Variants in LMNA observed in about 807,000 individuals in gnomAD.
LMNA encodes lamin.
Under a neutral mutation model 70.4 loss-of-function variants are expected in LMNA, and 20 were observed. The ratio of observed to expected loss-of-function variants is 0.28; its 90% CI spans 0.20 to 0.41. The LOEUF (loss-of-function observed/expected upper bound fraction) is 0.41. LMNA is among the 10% of genes least tolerant of loss of function. LMNA has a pLI of 1.00. For missense variants in LMNA, 652 were observed against 917.2 expected (o/e 0.71, Z 3.73); for synonymous variants, 339 against 372.8 (o/e 0.91, Z 1.04).
At chr1:156,125,296 A>T (rs1650475004) in intron 1 of LMNA, among the ~76,000 whole-genome samples, 1 of 152,086 alleles carries the variant, frequency 6.6e-6, no homozygotes, top group East Asian at 1.9e-4. Flanking sequence ...CAGTAGGAGG[A>T]GTTGCTGGAA....
upstream of LMNA, among the ~76,000 whole-genome samples, chr1:156,112,921 C>T (rs796104271): frequency 1.2e-4 from 18 of 152,226 alleles, no homozygotes; most frequent in African/African-American, 1.2e-4. Context: ...GGTTGCTCAT[C>T]GGAGGATAAG....
intron 3 of LMNA, among the ~76,000 whole-genome samples, chr1:156,094,218 C>T (rs1648821103): frequency 6.6e-6 from 1 of 152,216 alleles, no homozygotes; most frequent in Admixed American, 6.5e-5. Context: ...GGGTCACATG[C>T]TCCTGGCCAG....
chr1:156,105,347 C>T (rs896631030), intron 3 of LMNA, among the ~76,000 whole-genome samples: 1 of 152,134 alleles, frequency 6.6e-6, no homozygotes. Flanking sequence ...AATGATGAAA[C>T]GCTGGCCCAA....
intron 3 of LMNA, among the ~76,000 whole-genome samples, chr1:156,098,349 G>A (rs1471472696): frequency 2.0e-5 from 3 of 152,210 alleles, no homozygotes; most frequent in African/African-American, 7.2e-5. Flanking sequence ...CAGACTTCAG[G>A]TTCTGTAATC....
In LMNA at chr1:156,103,356, G is replaced by A. The variant is rs1320009547; in HGVS notation, c.-206-11357G>A. Among the ~76,000 whole-genome samples the A allele has an allele frequency of 6.6e-6, 1 of 152,280 alleles. No homozygotes were observed. Among genetic ancestry groups the A allele is most frequent in the South Asian group, 2.1e-4 (1 of 4,828 alleles). On this transcript the variant is annotated intron_variant, in intron 3 of 12. Transcript: ENST00000368301. This position sits in a 1 kb window ranked among gnomAD's most constrained non-coding sequence, Gnocchi z 4.7. ...AGAGGAGGGTCCTCATCCTAATGAG[G>A]CCGCCAAGGAAGAGGGCCCCCAGTA...
In LMNA at chr1:156,114,824, G is replaced by C; in HGVS notation, c.-95G>C. 2 of 849,176 alleles carry C rather than the reference G, an allele frequency of 2.4e-6. No homozygotes were observed. The highest frequency in any genetic ancestry group is 3.5e-6 in the Non-Finnish European group (2 of 571,666). 52.6% of individuals were successfully genotyped at this position (849,176 alleles called of 1,614,324 possible). ...GCAAGCCGAGAGCCAGCCGGCCGGC[G>C]CACTCCGACTCCGAGCAGTCTCTGT... On this transcript the variant is annotated 5_prime_UTR_variant, in exon 1 of 12. Transcript: ENST00000368300.
At chr1:156,113,461 G>A (rs749692417), upstream of LMNA, among the ~76,000 whole-genome samples, 1 of 152,170 alleles carries the variant, frequency 6.6e-6, no homozygotes, top group African/African-American at 2.4e-5. Flanking sequence ...CTGAGGTAGC[G>A]AACCCTGGGG....
At chr1:156,125,622 G>A (rs544627) in intron 1 of LMNA, among the ~76,000 whole-genome samples, 15,813 of 151,864 alleles carry the variant, frequency 0.1, 1,500 homozygotes, top group African/African-American at 0.25. Context: ...CTGGGAGGTG[G>A]AGGTTGCAGG....
chr1:156,106,010 C>G (rs1225626598), intron 3 of LMNA, among the ~76,000 whole-genome samples: 3 of 152,062 alleles, frequency 2.0e-5, no homozygotes, highest in African/African-American at 4.8e-5. Context: ...TGGCTGGCTC[C>G]TGTAGTCCCA....
In LMNA at chr1:156,135,082, T is replaced by C; in HGVS notation, c.811-105T>C. Reference sequence around the variant, plus strand: ...GATCAGGCAGATGGTGGCAGGGAGCTCAGGGTGGCCCAGGACCTGGGGCTG... The same window carrying C: ...GATCAGGCAGATGGTGGCAGGGAGCCCAGGGTGGCCCAGGACCTGGGGCTG... On this transcript the variant is annotated intron_variant, in intron 4 of 11. Transcript: ENST00000368300. This position sits in a 1 kb window ranked among gnomAD's most constrained non-coding sequence, Gnocchi z 4.8. 1 of 1,610,276 alleles carries C rather than the reference T, an allele frequency of 6.2e-7. No individual in the cohort carries two copies. The highest frequency in any genetic ancestry group is 1.1e-5 in the South Asian group (1 of 90,696).
intron 3 of LMNA, among the ~76,000 whole-genome samples, chr1:156,093,305 T>A (rs1454482944): frequency 1.4e-5 from 2 of 145,902 alleles, no homozygotes; most frequent in Admixed American, 6.8e-5. Context: ...GTCAATTTTT[T>A]TTTTTTTTTT....
intron 1 of LMNA, among the ~76,000 whole-genome samples, chr1:156,118,298 A>T (rs1306248426): frequency 6.6e-6 from 1 of 152,180 alleles, no homozygotes; most frequent in Non-Finnish European, 1.5e-5. Flanking sequence ...CAAAACTTTG[A>T]TCGAGAAACA....
intron 3 of LMNA, among the ~76,000 whole-genome samples, chr1:156,091,727 A>C (rs1648710367): frequency 6.6e-6 from 1 of 152,182 alleles, no homozygotes; most frequent in Non-Finnish European, 1.5e-5. Context: ...CCCTACTTGC[A>C]CGGAGCTGAT....
chr1:156,103,634 C>T lies in LMNA; in HGVS notation c.-206-11079C>T, dbSNP rs1190207581. On this transcript the variant is annotated intron_variant, in intron 3 of 12. Transcript: ENST00000368301. This position sits in a 1 kb window ranked among gnomAD's most constrained non-coding sequence, Gnocchi z 4.7. ...GGAGAAGGAAGGGGTCCTGGACTAG[C>T]TCTCCTGTGTCCCCTCTCCGGGGGC... 6.6e-6 allele frequency among the ~76,000 whole-genome samples: 1 copy of T among 152,156 alleles called. No individual in the cohort carries two copies. The highest frequency in any genetic ancestry group is 1.9e-4 in the East Asian group (1 of 5,198).
intron 3 of LMNA, among the ~76,000 whole-genome samples, chr1:156,101,657 AGGGAGGGAGG>A (rs1649147668): frequency 1.9e-5 from 1 of 53,804 alleles, no homozygotes; most frequent in Non-Finnish European, 3.5e-5. Context: ...GGAGGGAGGG[AGGGAGGGAGG>A]GAGCGAGGGA....
rs917045294 is a variant in LMNA at position 156,115,714 on chromosome 1, G to A, written c.356+440G>A. 2.0e-5 allele frequency among the ~76,000 whole-genome samples: 3 copies of A among 152,234 alleles called. No individual in the cohort carries two copies. The highest frequency in any genetic ancestry group is 2.9e-5 in the Non-Finnish European group (2 of 68,046). ...ACTTTGTTAGCGGGCTTGGCACTGT[G>A]CTAGCTTTGCCCAAGCTGGCTCTGA... On this transcript the variant is annotated intron_variant, in intron 1 of 11. Coordinates refer to ENST00000368300, the MANE Select transcript of LMNA (RefSeq NM_170707.4). This position sits in a 1 kb window ranked among gnomAD's most constrained non-coding sequence, Gnocchi z 5.8.
At chr1:156,128,746 G>A (rs1650793828) in intron 1 of LMNA, among the ~76,000 whole-genome samples, 1 of 152,180 alleles carries the variant, frequency 6.6e-6, no homozygotes, top group Non-Finnish European at 1.5e-5. Flanking sequence ...ATCTATAAAA[G>A]GGAGAGGGTT....
chr1:156,110,832 C>G (rs192603285), upstream of LMNA, among the ~76,000 whole-genome samples: 8 of 151,640 alleles, frequency 5.3e-5, no homozygotes, highest in Non-Finnish European at 7.4e-5. Flanking sequence ...AAAAATTAGC[C>G]GGGTGTGGTG....
chr1:156,116,465 C>G (rs962676169), intron 1 of LMNA, among the ~76,000 whole-genome samples: 1 of 152,090 alleles, frequency 6.6e-6, no homozygotes, highest in African/African-American at 2.4e-5. Context: ...TTCCCTTTCT[C>G]TATGCAGACC....
Sources: gnomAD v4.1 joint callset for allele counts (sites outside exome capture counted in the v4.1 genomes callset) on GRCh38, gnomAD v4.1.1 for gene constraint, Gnocchi (gnomAD v3.1) non-coding constraint, MANE v1.5 for transcripts, NCBI Gene and HGNC (gene_info 2026-07-23, HGNC 2026-07-21) for gene names.